The following TMEM131L variants were observed in gnomAD, a reference collection of about 807,000 sequenced individuals.
The protein encoded by TMEM131L is transmembrane protein 131-like.
A neutral mutation model predicts 192.2 loss-of-function variants in TMEM131L; 54 were observed. The ratio of observed to expected loss-of-function variants is 0.28; its 90% confidence interval spans 0.23 to 0.35. The LOEUF (loss-of-function observed/expected upper bound fraction) is 0.35. Ranked by LOEUF, TMEM131L falls within the 10% of genes least tolerant of loss-of-function variation. The pLI, the probability that TMEM131L is intolerant of heterozygous loss-of-function variation, is 1.00. For synonymous variants in TMEM131L, 701 were observed against 704.9 expected, an observed-to-expected ratio of 0.99 and a Z score of 0.09; for missense variants, 1,888 against 1,972.9, an observed-to-expected ratio of 0.96 and a Z score of 0.82.
At chr4:153,583,707 T>C in intron 11 of TMEM131L, 35 bp downstream of exon 11, 1 of 1,235,960 alleles carries the variant, frequency 8.1e-7, no homozygotes, top group East Asian at 2.3e-5. Context: ...ATTTGACTTT[T>C]GTTATCTGGT....
rs946662124 is a variant in TMEM131L at position 153,526,568 on chromosome 4, A to G, written c.240-23505A>G. Among the ~76,000 whole-genome samples the G allele has an allele frequency of 4.6e-5, 7 of 152,176 alleles. 1 individual carries two copies. In the South Asian group the frequency reaches 1.0e-3, roughly 23 times the overall value. On this transcript the variant is annotated intron_variant, in intron 3 of 34. Coordinates refer to ENST00000409959, the MANE Select transcript of TMEM131L (RefSeq NM_001131007.2). ...GCTAACACGGTGAAACCCCGTCTCT[A>G]CTAAAAAATACAAAAAAAAATTAGC...
chr4:153,504,814 T>C (rs936054373), intron 3 of TMEM131L, among the ~76,000 whole-genome samples: 6 of 152,244 alleles, frequency 3.9e-5, no homozygotes, highest in Admixed American at 3.9e-4. Context: ...GACATTTTGC[T>C]TCTTCATCTC....
chr4:153,612,190 G>C, intron 25 of TMEM131L, 62 bp from the exon 26 acceptor site: 2 of 1,249,998 alleles, frequency 1.6e-6, no homozygotes, highest in Admixed American at 5.6e-5. Flanking sequence ...GTGTAGGAAA[G>C]AAGATGGGGA....
At chr4:153,505,690 A>T (rs1488856489) in intron 3 of TMEM131L, among the ~76,000 whole-genome samples, 1 of 152,318 alleles carries the variant, frequency 6.6e-6, no homozygotes, top group Non-Finnish European at 1.5e-5. Context: ...CTGGTATGAG[A>T]CAGTACTATA....
At chr4:153,627,548 C>T (rs1488736344) in intron 30 of TMEM131L, 57 bp from the exon 31 acceptor site, 1 of 1,299,612 alleles carries the variant, frequency 7.7e-7, no homozygotes, top group Middle Eastern at 1.8e-4. Flanking sequence ...TATACAATAT[C>T]AGTATTTCCT....
chr4:153,619,069 C>T (rs780996140), intron 26 of TMEM131L, among the ~76,000 whole-genome samples: 36 of 152,314 alleles, frequency 2.4e-4, no homozygotes, highest in Admixed American at 5.9e-4. Context: ...AGTCCCGCCT[C>T]TCAGTAGTCC....
chr4:153,577,395 G>C (rs1301862756), intron 7 of TMEM131L, among the ~76,000 whole-genome samples: 1 of 152,172 alleles, frequency 6.6e-6, no homozygotes, highest in African/African-American at 2.4e-5. Flanking sequence ...GGTGGATGCA[G>C]GGAGACTAAG....
chr4:153,508,764 C>T (rs565528374), intron 3 of TMEM131L, among the ~76,000 whole-genome samples: 1 of 151,126 alleles, frequency 6.6e-6, no homozygotes. Context: ...CCCAACTTAG[C>T]TCCCCAAGGA....
chr4:153,496,868 T>C (rs538320841), intron 3 of TMEM131L, among the ~76,000 whole-genome samples: 1 of 151,782 alleles, frequency 6.6e-6, no homozygotes, highest in African/African-American at 2.4e-5. Flanking sequence ...GACTTTTTTT[T>C]TTTTGTTTTT....
intron 3 of TMEM131L, among the ~76,000 whole-genome samples, chr4:153,499,618 G>A (rs950013387): frequency 6.6e-6 from 1 of 152,026 alleles, no homozygotes; most frequent in Non-Finnish European, 1.5e-5. Flanking sequence ...GTAGAGAGGG[G>A]ATTTCACCAT....
rs745913297 is a variant in TMEM131L, at chr4:153,466,405, G to A, written c.8G>A (p.Gly3Glu). MA[G>E]LRRPQPGCYC... ...AGGAGCGCGAGCAGCAGCATGGCGG[G>A]GCTCCGACGCCCGCAGCCCGGCTGC... The change falls in exon 1 of 35, where the codon GGG becomes GAG. Residue 3 changes from glycine (G) to glutamate (E), a missense_variant. Coordinates refer to ENST00000409959, the MANE Select transcript of TMEM131L (RefSeq NM_001131007.2). 27 of 1,343,504 alleles carry A rather than the reference G, an allele frequency of 2.0e-5. No homozygotes were observed. Among genetic ancestry groups the A allele is most frequent in the Middle Eastern group, 2.8e-4 (1 of 3,592 alleles). The allele number at this position is 1,343,504 out of a possible 1,614,324, so 83.2% of individuals were successfully genotyped here.
intron 7 of TMEM131L, 55 bp from the exon 8 acceptor site, chr4:153,580,771 G>A (rs1730276055): frequency 1.2e-5 from 11 of 950,172 alleles, no homozygotes; most frequent in Middle Eastern, 2.1e-4. Context: ...TTTATTATTA[G>A]TGTGAGATTG....
chr4:153,632,649 A>G (rs993308494), intron 31 of TMEM131L, 69 bp from the exon 32 acceptor site: 2 of 1,583,306 alleles, frequency 1.3e-6, no homozygotes, highest in Non-Finnish European at 1.7e-6. Flanking sequence ...AGGGAAGGGC[A>G]GGTGCAGGAA....
At position 153,569,311 on chromosome 4, in the gene TMEM131L, T is replaced by C. The variant is rs151270850; in HGVS notation, c.660+10943T>C. ...TTCCCCTGAGAGCCAACCCCTCCCCTGATTTCTTTGTTGACCCTCCTCGGA... is the reference window on the plus strand; with the variant it reads ...TTCCCCTGAGAGCCAACCCCTCCCCCGATTTCTTTGTTGACCCTCCTCGGA... On this transcript the variant is annotated intron_variant, in intron 7 of 34. Transcript: ENST00000409959. Among the ~76,000 whole-genome samples the C allele has an allele frequency of 1.6e-3, 237 of 152,292 alleles. 1 individual carries two copies. Among genetic ancestry groups the C allele is most frequent in the Middle Eastern group, 0.014 (4 of 294 alleles).
chr4:153,561,834 G>C (rs1170874955), intron 7 of TMEM131L, among the ~76,000 whole-genome samples: 1 of 152,038 alleles, frequency 6.6e-6, no homozygotes, highest in Non-Finnish European at 1.5e-5. Context: ...GTAAATGATA[G>C]GGCAATGAAC....
chr4:153,468,228 A>G (rs1034429021), intron 2 of TMEM131L, among the ~76,000 whole-genome samples: 1 of 152,212 alleles, frequency 6.6e-6, no homozygotes, highest in Admixed American at 6.5e-5. Flanking sequence ...TGAAACATTC[A>G]GAGTGCTGGT....
chr4:153,543,221 G>C lies in TMEM131L; in HGVS notation c.240-6852G>C, dbSNP rs149864473. On this transcript the variant is annotated intron_variant, in intron 3 of 34. Transcript: ENST00000409959. ...TTAATGGAGAAAAATACTGGTTTCT[G>C]CCTCTATTGTTAAATGGTTCTTTTC... is the stretch of plus-strand genomic sequence containing the variant. Among the ~76,000 whole-genome samples, 223 of 152,296 alleles carry C rather than the reference G, an allele frequency of 1.5e-3. 1 individual carries two copies. Among genetic ancestry groups the C allele is most frequent in the African/African-American group, 5.1e-3 (213 of 41,558 alleles).
intron 3 of TMEM131L, among the ~76,000 whole-genome samples, chr4:153,516,879 G>A (rs1214030748): frequency 2.0e-5 from 3 of 152,142 alleles, no homozygotes; most frequent in Admixed American, 6.5e-5. Context: ...AGGCTGGAGT[G>A]CAGTGGGGGC....
intron 3 of TMEM131L, among the ~76,000 whole-genome samples, chr4:153,481,736 C>T (rs897148108): frequency 6.6e-6 from 1 of 151,932 alleles, no homozygotes; most frequent in South Asian, 2.1e-4. Flanking sequence ...TGGGGTTTCA[C>T]GTTGTTGCGC....
Sources: gnomAD v4.1 joint callset for allele counts (sites outside exome capture counted in the v4.1 genomes callset) on GRCh38, gnomAD v4.1.1 for gene constraint, MANE v1.5 for transcripts, NCBI Gene and HGNC (gene_info 2026-07-23, HGNC 2026-07-21) for gene names.